Variants in ANK2 observed in about 807,000 individuals in gnomAD.
The protein encoded by ANK2 is ankyrin 2.
Under a neutral mutation model 360.5 loss-of-function variants are expected in ANK2, and 83 were observed. The ratio of observed to expected loss-of-function variants is 0.23; its 90% CI spans 0.19 to 0.28. The LOEUF is 0.28. Ranked by LOEUF, ANK2 falls within the 10% of genes least tolerant of loss-of-function variation. The pLI is 1.00. For missense variants in ANK2, 4,201 were observed against 4,795.7 expected (o/e 0.88, Z 3.66); for synonymous variants, 1,740 against 1,759.5 (o/e 0.99, Z 0.28).
intron 4 of ANK2, among the ~76,000 whole-genome samples, chr4:113,209,908 A>G (rs2099001119): frequency 6.6e-6 from 1 of 152,192 alleles, no homozygotes; most frequent in Admixed American, 6.5e-5. Context: ...CTCAGGAGGA[A>G]GTGTAAAACA....
rs140859076 is a variant in ANK2, at chr4:113,129,441, G to A, written c.85-44975G>A. On this transcript the variant is annotated intron_variant, in intron 1 of 45. Coordinates refer to ENST00000357077, the MANE Select transcript of ANK2 (RefSeq NM_001148.6). ...ACTTTTGCTGGCTATTGAACTCCCA[G>A]ATGTATTTAGAAAAAAAGATTATGT... Among the ~76,000 whole-genome samples the A allele has an allele frequency of 1.7e-3, 260 of 152,240 alleles. 2 individuals are homozygous for A. The highest frequency in any genetic ancestry group is 0.014 in the Middle Eastern group (4 of 292).
intron 2 of ANK2, among the ~76,000 whole-genome samples, chr4:112,993,438 A>G (rs1168520172): frequency 6.6e-6 from 1 of 151,186 alleles, no homozygotes; most frequent in African/African-American, 2.4e-5. Context: ...AGTAGCTGGG[A>G]TTACAGGTAG....
intron 2 of ANK2, among the ~76,000 whole-genome samples, chr4:112,911,026 C>G (rs2087044270): frequency 6.9e-6 from 1 of 145,628 alleles, no homozygotes; most frequent in African/African-American, 2.5e-5. Flanking sequence ...GGCACGATCT[C>G]AGCTCACTGC....
At chr4:113,373,198 G>A (rs766785820) in intron 44 of ANK2, 25 bp downstream of exon 44, 5 of 1,612,410 alleles carry the variant, frequency 3.1e-6, no homozygotes, top group Non-Finnish European at 3.4e-6. Context: ...ATCCTAACAG[G>A]GTTGATTACA....
chr4:112,786,850 G>C, the ANK2 span, among the ~76,000 whole-genome samples: 21 of 148,834 alleles, frequency 1.4e-4, no homozygotes, highest in South Asian at 4.2e-3. Flanking sequence ...CCAGGTTCAT[G>C]TGATTCTCAT....
intron 38 of ANK2, 22 bp downstream of exon 38, chr4:113,359,321 T>G: frequency 6.2e-7 from 1 of 1,612,868 alleles, no homozygotes; most frequent in Non-Finnish European, 8.5e-7. Flanking sequence ...CCACCGGGAT[T>G]CCCTGTGCTA....
At chr4:113,365,816 A>T in intron 41 of ANK2, among the ~76,000 whole-genome samples, 1 of 152,154 alleles carries the variant, frequency 6.6e-6, no homozygotes, top group East Asian at 1.9e-4. Context: ...TCAGAAGCAA[A>T]TGTCTATATT....
rs187626712 is a variant in ANK2, at chr4:113,305,000, T to C, written c.2548+2161T>C. On this transcript the variant is annotated intron_variant, in intron 23 of 45. Transcript: ENST00000357077. ...AATAATTGCTGGAGAATTCCATTAG[T>C]TAATACATTTAAAGTATTTAATATT... Among the ~76,000 whole-genome samples the C allele has an allele frequency of 1.1e-4, 17 of 152,350 alleles. No homozygotes were observed. The East Asian group carries it at 2.5e-3, about 22-fold the overall frequency.
chr4:113,339,391 A>G lies in ANK2; in HGVS notation c.3893+69A>G, dbSNP rs2093984945. 15 of 1,244,044 alleles carry G rather than the reference A, an allele frequency of 1.2e-5. 1 individual carries two copies. In the Middle Eastern group the frequency reaches 5.7e-4, roughly 47 times the overall value. The allele number at this position is 1,244,044 out of a possible 1,614,324, so 77.1% of individuals were successfully genotyped here. A position where few individuals can be genotyped will look rare whatever the true frequency, so the allele number is the denominator to read the frequency against. ...CTCCAAAAAAACTGCCCTTTGTTTT[A>G]TTTTGTTTCTTTATTGTTTAAAAGT... is the stretch of plus-strand genomic sequence containing the variant. On this transcript the variant is annotated intron_variant, in intron 32 of 45. Transcript: ENST00000357077.
At chr4:113,221,385 C>T (rs570045152) in intron 4 of ANK2, among the ~76,000 whole-genome samples, 11 of 152,184 alleles carry the variant, frequency 7.2e-5, no homozygotes, top group Non-Finnish European at 1.2e-4. Context: ...CAGGGCTGGG[C>T]GCGGTGGCTC....
At chr4:112,996,003 C>T (rs1407790964) in intron 2 of ANK2, among the ~76,000 whole-genome samples, 1 of 152,152 alleles carries the variant, frequency 6.6e-6, no homozygotes, top group Non-Finnish European at 1.5e-5. Flanking sequence ...AAAGCATAAA[C>T]CCATGCAAAG....
At chr4:113,232,944 ACTGT>A (rs1244368270) in intron 5 of ANK2, among the ~76,000 whole-genome samples, 1 of 151,944 alleles carries the variant, frequency 6.6e-6, no homozygotes. Flanking sequence ...AAGTTCAATG[ACTGT>A]CTGGGGCAGT....
At chr4:113,179,133 A>G (rs1196745656) in intron 2 of ANK2, among the ~76,000 whole-genome samples, 1 of 152,248 alleles carries the variant, frequency 6.6e-6, no homozygotes, top group Non-Finnish European at 1.5e-5. Flanking sequence ...AGTAAAAGAG[A>G]CAACTATTCA....
intron 38 of ANK2, among the ~76,000 whole-genome samples, chr4:113,360,323 C>T (rs2096123707): frequency 6.6e-6 from 1 of 152,140 alleles, no homozygotes; most frequent in Non-Finnish European, 1.5e-5. Flanking sequence ...TGTTTCTGGC[C>T]ACACTAATCA....
intron 16 of ANK2, 33 bp downstream of exon 16, chr4:113,277,968 C>T: frequency 3.2e-6 from 5 of 1,565,010 alleles, no homozygotes; most frequent in Non-Finnish European, 4.4e-6. Context: ...AATTATGTAA[C>T]AGTGAAGGTG....
Position 113,355,659 on chromosome 4 carries a change from A to G in ANK2, c.7041A>G (p.Ala2347=). 2 of 1,614,174 alleles carry G rather than the reference A, an allele frequency of 1.2e-6. No homozygotes were observed. Among genetic ancestry groups the G allele is most frequent in the Non-Finnish European group, 1.7e-6 (2 of 1,179,990 alleles). The change falls in exon 38 of 46, where the codon GCA becomes GCG. Residue 2347 remains alanine (A), a synonymous_variant. Transcript: ENST00000357077. ...KETPTGLTEE[A]ACDEGQRTFG... ...CACCTACAGGACTGACTGAGGAGGC[A>G]GCCTGTGATGAAGGTCAACGTACCT... is the stretch of plus-strand genomic sequence containing the variant.
At chr4:112,953,508 T>C (rs575864213) in intron 2 of ANK2, among the ~76,000 whole-genome samples, 16 of 152,352 alleles carry the variant, frequency 1.1e-4, no homozygotes, top group African/African-American at 3.6e-4. Context: ...AGGCTTCCAG[T>C]CCTTACACAA....
At chr4:112,786,089 A>G in the ANK2 span, among the ~76,000 whole-genome samples, 1 of 151,926 alleles carries the variant, frequency 6.6e-6, no homozygotes, top group Non-Finnish European at 1.5e-5. Flanking sequence ...TGATCCGGCC[A>G]CCTCAGCCTC....
the ANK2 span, among the ~76,000 whole-genome samples, chr4:112,787,530 T>C: frequency 6.6e-6 from 1 of 152,348 alleles, no homozygotes; most frequent in African/African-American, 2.4e-5. Context: ...CAATTCTCTC[T>C]GTATTCTCTA....
Sources: allele counts gnomAD v4.1 joint callset (sites outside exome capture counted in the v4.1 genomes callset), GRCh38; gene constraint gnomAD v4.1.1; transcripts MANE v1.5; gene names NCBI Gene and HGNC (gene_info 2026-07-23, HGNC 2026-07-21).